The following GDA variants were observed in gnomAD, a reference collection of about 807,000 sequenced individuals.
GDA encodes guanine deaminase.
In GDA, 18 loss-of-function variants were observed where a neutral mutation model predicts 59.6. That is an observed-to-expected ratio of 0.30 (90% confidence interval 0.21 to 0.45). GDA has a LOEUF of 0.45. Ranked by LOEUF, GDA falls within the 20% of genes least tolerant of loss-of-function variation. The pLI is 1.00. For synonymous variants in GDA, 201 were observed against 201.1 expected (o/e 1.00, Z 0.00); for missense variants, 427 against 552.3 (o/e 0.77, Z 2.27).
rs183524870 is a variant in GDA, at chr9:72,184,828, G to A, written c.124-10672G>A. Among the ~76,000 whole-genome samples, 617 of 152,302 alleles carry A rather than the reference G, an allele frequency of 4.1e-3. 5 individuals carry two copies. The highest frequency in any genetic ancestry group is 0.014 in the African/African-American group (597 of 41,562). ...AAGTTTCAGAGAAATGCTAGTGAAA[G>A]CCACTGGGATGGTTTTCAAGTTATA... is the stretch of plus-strand genomic sequence containing the variant. On this transcript the variant is annotated intron_variant, in intron 1 of 13. Transcript: ENST00000358399.
intron 1 of GDA, among the ~76,000 whole-genome samples, chr9:72,140,155 CT>C (rs976835460): frequency 6.6e-6 from 1 of 152,176 alleles, no homozygotes; most frequent in African/African-American, 2.4e-5. Context: ...GGCTATAATG[CT>C]TTTGTTATTG....
intron 1 of GDA, among the ~76,000 whole-genome samples, chr9:72,189,111 A>G (rs1165341135): frequency 7.0e-6 from 1 of 141,980 alleles, no homozygotes; most frequent in African/African-American, 2.7e-5. Flanking sequence ...GAATATGCCT[A>G]TGGATGAATC....
chr9:72,249,503 G>T lies in GDA; in HGVS notation c.*1161G>T. 1.6e-6 allele frequency: 1 copy of T among 630,052 alleles called. No homozygotes were observed. Among genetic ancestry groups the T allele is most frequent in the Non-Finnish European group, 2.0e-6 (1 of 505,754 alleles). The allele number at this position is 630,052 out of a possible 1,614,324, so 39.0% of individuals were successfully genotyped here. ...GATATTAAAATTTTAGGATAATGAA[G>T]AGTACATAATGTCCTACTTAATATT... On this transcript the variant is annotated 3_prime_UTR_variant, in exon 14 of 14. Transcript: ENST00000358399.
chr9:72,147,733 C>T (rs923986746), upstream of GDA, among the ~76,000 whole-genome samples: 3 of 151,988 alleles, frequency 2.0e-5, no homozygotes, highest in Non-Finnish European at 2.9e-5. Context: ...AATCCTATCT[C>T]AAAAGCCATT....
At chr9:72,161,882 C>A (rs1828676132) in intron 1 of GDA, among the ~76,000 whole-genome samples, 1 of 152,212 alleles carries the variant, frequency 6.6e-6, no homozygotes, top group African/African-American at 2.4e-5. Flanking sequence ...ATGCTCTTCA[C>A]AGAGTAGACA....
chr9:72,195,605 T>A lies in GDA; in HGVS notation c.212+17T>A, dbSNP rs1286602888. On this transcript the variant is annotated intron_variant, in intron 2 of 13. Coordinates refer to ENST00000358399, the MANE Select transcript of GDA (RefSeq NM_004293.5). Reference sequence around the variant, plus strand: ...GAGCCACCAGTAAGTTGTTACTTCTTCCCTTTTACTGGGTGCCACTAATAA... The same window carrying A: ...GAGCCACCAGTAAGTTGTTACTTCTACCCTTTTACTGGGTGCCACTAATAA... The A allele has an allele frequency of 2.5e-6, 3 of 1,197,192 alleles. No individual in the cohort carries two copies. Among genetic ancestry groups the A allele is most frequent in the Admixed American group, 1.9e-5 (1 of 52,110 alleles). 74.2% of individuals were successfully genotyped at this position (1,197,192 alleles called of 1,614,324 possible).
At chr9:72,175,495 A>G (rs1287284296) in intron 1 of GDA, among the ~76,000 whole-genome samples, 1 of 152,244 alleles carries the variant, frequency 6.6e-6, no homozygotes, top group Non-Finnish European at 1.5e-5. Context: ...TTTGAGAAAC[A>G]CAAATGAGAT....
chr9:72,125,968 G>GCA (rs1825832261), intron 1 of GDA, among the ~76,000 whole-genome samples: 2 of 152,178 alleles, frequency 1.3e-5, no homozygotes, highest in Non-Finnish European at 2.9e-5. Flanking sequence ...CCAGGCTGGA[G>GCA]TGCAGTGCCA....
intron 1 of GDA, among the ~76,000 whole-genome samples, chr9:72,123,482 CTTTTTTTTTTTT>C (rs11357949): frequency 2.6e-5 from 2 of 76,646 alleles, no homozygotes; most frequent in Middle Eastern, 0.016. Flanking sequence ...CATGCCCGGC[CTTTTTTTTTTTT>C]TTTTTTTTTT....
intron 10 of GDA, among the ~76,000 whole-genome samples, chr9:72,231,910 A>G (rs1354032550): frequency 2.0e-5 from 3 of 152,262 alleles, no homozygotes; most frequent in African/African-American, 7.2e-5. Flanking sequence ...GCTTTTAAGC[A>G]ACGTTTAGCC....
At chr9:72,161,623 G>C (rs1250070668) in intron 1 of GDA, among the ~76,000 whole-genome samples, 1 of 152,102 alleles carries the variant, frequency 6.6e-6, no homozygotes, top group African/African-American at 2.4e-5. Context: ...GATTATAAAG[G>C]CCTGCTTGCT....
chr9:72,151,647 A>G (rs1035699451), intron 1 of GDA, among the ~76,000 whole-genome samples: 12 of 150,206 alleles, frequency 8.0e-5, no homozygotes, highest in African/African-American at 2.5e-4. Flanking sequence ...TCGCTCTGTC[A>G]CCCAGGCTGG....
intron 1 of GDA, among the ~76,000 whole-genome samples, chr9:72,168,866 G>T (rs779377145): frequency 2.0e-5 from 3 of 152,138 alleles, no homozygotes; most frequent in Non-Finnish European, 2.9e-5. Flanking sequence ...GCTGGTTACT[G>T]GTAGAGTTAT....
intron 1 of GDA, among the ~76,000 whole-genome samples, chr9:72,174,585 G>T (rs966884662): frequency 2.6e-5 from 4 of 152,114 alleles, no homozygotes; most frequent in African/African-American, 9.7e-5. Context: ...GAAGTGCCTG[G>T]TGCTATGAGG....
At chr9:72,194,247 T>TCAACA (rs1371428120) in intron 1 of GDA, 6 of 152,100 alleles carry the variant, frequency 3.9e-5, no homozygotes, top group Non-Finnish European at 7.3e-5. Flanking sequence ...ATGTGCTGAG[T>TCAACA]TTCACCCAAG....
At chr9:72,169,346 C>T (rs935319560) in intron 1 of GDA, among the ~76,000 whole-genome samples, 6 of 152,166 alleles carry the variant, frequency 3.9e-5, no homozygotes, top group Non-Finnish European at 8.8e-5. Flanking sequence ...GTAAATAAAG[C>T]TCACAATGTG....
chr9:72,144,663 C>A (rs1449731411), upstream of GDA, among the ~76,000 whole-genome samples: 1 of 152,116 alleles, frequency 6.6e-6, no homozygotes, highest in Non-Finnish European at 1.5e-5. Flanking sequence ...TCTCTATTGT[C>A]AGTAAATACA....
chr9:72,250,731 A>G lies in GDA; in HGVS notation c.*2389A>G. 6.2e-7 allele frequency: 1 copy of G among 1,611,968 alleles called. No individual in the cohort carries two copies. Among genetic ancestry groups the G allele is most frequent in the Non-Finnish European group, 8.5e-7 (1 of 1,179,336 alleles). On this transcript the variant is annotated 3_prime_UTR_variant, in exon 14 of 14. Transcript: ENST00000358399. The stretch of plus-strand genomic sequence containing the variant: ...ATCTTATTTGTCACTTTTTGTTTTA[A>G]TATCTTGCTCTCTGACAGGAAAGAA...
At chr9:72,202,786 A>G (rs1834170717) in intron 3 of GDA, 44 bp downstream of exon 3, 2 of 1,422,388 alleles carry the variant, frequency 1.4e-6, no homozygotes, top group South Asian at 1.2e-5. Flanking sequence ...TTGGTCATCT[A>G]TAGAAATATC....
Sources: allele counts gnomAD v4.1 joint callset (sites outside exome capture counted in the v4.1 genomes callset), GRCh38; gene constraint gnomAD v4.1.1; transcripts MANE v1.5; gene names NCBI Gene and HGNC (gene_info 2026-07-23, HGNC 2026-07-21).